PHACTR3: variants seen among roughly 807,000 people sequenced by gnomAD.
The protein encoded by PHACTR3 is protein phosphatase 1, regulatory subunit 123.
Under a neutral mutation model 66.8 loss-of-function variants are expected in PHACTR3, and 16 were observed. That is an observed-to-expected ratio of 0.24 (90% CI 0.16 to 0.36). The LOEUF (loss-of-function observed/expected upper bound fraction) is 0.36, where lower values mean the gene tolerates loss of function less well. Ranked by LOEUF, PHACTR3 falls within the 10% of genes least tolerant of loss-of-function variation. PHACTR3 has a pLI of 1.00. For synonymous variants in PHACTR3, 323 were observed against 292.1 expected (o/e 1.11, Z -1.08); for missense variants, 647 against 719.9 (o/e 0.90, Z 1.16).
intron 1 of PHACTR3, among the ~76,000 whole-genome samples, chr20:59,653,153 T>C (rs117316851): frequency 0.01 from 1,577 of 152,244 alleles, 21 homozygotes; most frequent in Non-Finnish European, 0.016. Context: ...AACCTAACTA[T>C]ATATCAAGTT....
intron 7 of PHACTR3, among the ~76,000 whole-genome samples, chr20:59,783,368 G>A (rs59094124): frequency 6.6e-6 from 1 of 152,202 alleles, no homozygotes; most frequent in Admixed American, 6.5e-5. Context: ...AAGCAGCAGA[G>A]CTCTCAGAGT....
At chr20:59,804,158 T>G (rs1568837871) in intron 7 of PHACTR3, among the ~76,000 whole-genome samples, 2 of 152,206 alleles carry the variant, frequency 1.3e-5, no homozygotes, top group Admixed American at 1.3e-4. Context: ...ATCAGTCAGA[T>G]CTGTAAGTTT....
chr20:59,806,355 A>G (rs1182525), intron 8 of PHACTR3, among the ~76,000 whole-genome samples, 161 bp downstream of exon 8: 142,094 of 152,270 alleles, frequency 0.93, 66,458 homozygotes, highest in Middle Eastern at 0.99. Context: ...GGCCGTGTGG[A>G]GGCCCTTTCC....
chr20:59,837,342 T>C (rs1188801405), intron 9 of PHACTR3, among the ~76,000 whole-genome samples: 3 of 152,226 alleles, frequency 2.0e-5, no homozygotes, highest in African/African-American at 4.8e-5. Flanking sequence ...GTTTGTTTTC[T>C]TATTTGTGAA....
At chr20:59,687,617 C>G (rs1270169585) in intron 1 of PHACTR3, among the ~76,000 whole-genome samples, 1 of 152,064 alleles carries the variant, frequency 6.6e-6, no homozygotes, top group Non-Finnish European at 1.5e-5. Context: ...TTTTCACACC[C>G]TCTGTAAAAT....
chr20:59,752,559 T>TCCTGCAAGAAGTCCTTGCAGAAAA (rs140490217), intron 3 of PHACTR3, among the ~76,000 whole-genome samples: 100,521 of 148,486 alleles, frequency 0.68, 34,651 homozygotes, highest in South Asian at 0.81. Context: ...CCCAGAGAAG[T>TCCTGCAAGAAGTCCTTGCAGAAAA]CCTGCAAGAA....
intron 1 of PHACTR3, among the ~76,000 whole-genome samples, chr20:59,653,563 G>A (rs924827178): frequency 6.6e-6 from 1 of 152,114 alleles, no homozygotes; most frequent in African/African-American, 2.4e-5. Context: ...ATTTAAGGAT[G>A]CTAGCATATG....
chr20:59,707,151 A>G (rs1469435961), intron 1 of PHACTR3, among the ~76,000 whole-genome samples: 1 of 152,242 alleles, frequency 6.6e-6, no homozygotes, highest in African/African-American at 2.4e-5. Flanking sequence ...CCACGCCAGC[A>G]GGGCTCTGCT....
At chr20:59,780,298 A>G (rs1302132728) in intron 7 of PHACTR3, among the ~76,000 whole-genome samples, 1 of 152,218 alleles carries the variant, frequency 6.6e-6, no homozygotes, top group Non-Finnish European at 1.5e-5. Flanking sequence ...CACTTCATCC[A>G]TGCTGTAGTC....
At chr20:59,710,751 C>A (rs533912337) in intron 1 of PHACTR3, among the ~76,000 whole-genome samples, 1 of 123,758 alleles carries the variant, frequency 8.1e-6, no homozygotes, top group East Asian at 2.2e-4. Flanking sequence ...TTCTTCCTCA[C>A]CTCTCTTACC....
chr20:59,611,991 T>A (rs1216552385), intron 1 of PHACTR3, among the ~76,000 whole-genome samples: 1 of 152,202 alleles, frequency 6.6e-6, no homozygotes, highest in Non-Finnish European at 1.5e-5. Context: ...GTGAGCCTTG[T>A]TAATGCTAGT....
chr20:59,671,490 C>T (rs549795271), intron 1 of PHACTR3, among the ~76,000 whole-genome samples: 4 of 152,296 alleles, frequency 2.6e-5, no homozygotes, highest in African/African-American at 7.2e-5. Flanking sequence ...ACAGGTGGCC[C>T]GTGGGCCTAG....
At chr20:59,774,106 T>G in intron 6 of PHACTR3, 137 bp from the exon 7 acceptor site, 1 of 1,042,720 alleles carries the variant, frequency 9.6e-7, no homozygotes, top group Non-Finnish European at 1.4e-6. Flanking sequence ...CCTTCTGGTG[T>G]GTCCAGGATA....
intron 2 of PHACTR3, among the ~76,000 whole-genome samples, chr20:59,746,535 G>T (rs566211312): frequency 1.4e-4 from 22 of 152,368 alleles, no homozygotes; most frequent in Admixed American, 1.4e-3. Context: ...AGGCTGCAGG[G>T]CTTCTGCCCT....
chr20:59,697,016 A>G (rs942865821), intron 1 of PHACTR3, among the ~76,000 whole-genome samples: 6 of 152,196 alleles, frequency 3.9e-5, no homozygotes, highest in African/African-American at 1.2e-4. Context: ...ATATTTGGGC[A>G]GAGGGAGAGA....
At chr20:59,689,787 T>G (rs2146574949) in intron 1 of PHACTR3, among the ~76,000 whole-genome samples, 1 of 152,196 alleles carries the variant, frequency 6.6e-6, no homozygotes, top group East Asian at 1.9e-4. Context: ...TCCATTTTCC[T>G]CCTCATCCCC....
rs994358884 is a variant in PHACTR3 at position 59,820,387 on chromosome 20, A to T, written c.1328+14193A>T. Among the ~76,000 whole-genome samples, 5 of 152,232 alleles carry T rather than the reference A, an allele frequency of 3.3e-5. No homozygotes were observed. The highest frequency in any genetic ancestry group is 7.3e-5 in the Non-Finnish European group (5 of 68,042). On this transcript the variant is annotated intron_variant, in intron 8 of 12. Transcript: ENST00000371015. This position sits in a 1 kb window ranked among gnomAD's most constrained non-coding sequence, Gnocchi z 4.6. ...GCAAGGCCAGCACGGATCAGGCAAA[A>T]TGGTGGCTATCATGTATGGATCTTG...
intron 2 of PHACTR3, among the ~76,000 whole-genome samples, chr20:59,744,898 G>A (rs775041012): frequency 6.6e-6 from 1 of 152,180 alleles, no homozygotes. Flanking sequence ...TGCAGACTCC[G>A]GCGAGGCTGC....
At chr20:59,627,566 G>A (rs2034501934) in intron 1 of PHACTR3, among the ~76,000 whole-genome samples, 1 of 152,172 alleles carries the variant, frequency 6.6e-6, no homozygotes, top group Non-Finnish European at 1.5e-5. Flanking sequence ...GACAGGTTCT[G>A]TTTGAGAGAC....
Sources: allele counts gnomAD v4.1 joint callset (sites outside exome capture counted in the v4.1 genomes callset), GRCh38; gene constraint gnomAD v4.1.1; non-coding constraint Gnocchi (gnomAD v3.1); transcripts MANE v1.5; gene names NCBI Gene and HGNC (gene_info 2026-07-23, HGNC 2026-07-21).